Variants in RBM19 observed in about 807,000 individuals in gnomAD.
RBM19 encodes RNA binding motif protein 19, also known as probable RNA-binding protein 19.
RBM19 carries 94 observed loss-of-function variants against 116.8 expected under a neutral mutation model. That is an observed-to-expected ratio of 0.80 (90% CI 0.68 to 0.95). The LOEUF (loss-of-function observed/expected upper bound fraction) is 0.95, where lower values mean the gene tolerates loss of function less well. RBM19 is among the 40% of genes least tolerant of loss of function. The pLI is 0.00. For missense variants in RBM19, 1,161 were observed against 1,220.7 expected, an observed-to-expected ratio of 0.95 and a Z score of 0.73; for synonymous variants, 475 against 494.1, an observed-to-expected ratio of 0.96 and a Z score of 0.51.
At chr12:113,933,484 G>T (rs997359193) in intron 16 of RBM19, among the ~76,000 whole-genome samples, 3 of 152,180 alleles carry the variant, frequency 2.0e-5, no homozygotes, top group African/African-American at 7.2e-5. Flanking sequence ...GGACACAGCG[G>T]GGCTTGGAAT....
chr12:113,924,250 C>A (rs760624517), intron 18 of RBM19, among the ~76,000 whole-genome samples: 2 of 152,152 alleles, frequency 1.3e-5, no homozygotes, highest in Non-Finnish European at 2.9e-5. Flanking sequence ...CTCGGTAGAA[C>A]GTTCCAGAAG....
At chr12:113,861,539 G>T (rs1421705803) in intron 21 of RBM19, among the ~76,000 whole-genome samples, 1 of 149,602 alleles carries the variant, frequency 6.7e-6, no homozygotes, top group Non-Finnish European at 1.5e-5. Flanking sequence ...TCGGGGGGTG[G>T]TGGTGTGAGA....
intron 23 of RBM19, among the ~76,000 whole-genome samples, chr12:113,844,272 TCCCTGC>T (rs1211358683): frequency 6.6e-6 from 1 of 152,018 alleles, no homozygotes; most frequent in Non-Finnish European, 1.5e-5. Flanking sequence ...GCCGTGAGCA[TCCCTGC>T]CCTGCGGACA....
At chr12:113,965,237 G>A (rs1421474010) in intron 1 of RBM19, among the ~76,000 whole-genome samples, 2 of 149,560 alleles carry the variant, frequency 1.3e-5, no homozygotes, top group Non-Finnish European at 3.0e-5. Context: ...TGCCGAGATT[G>A]CTCCACCGCA....
At chr12:113,830,179 T>C (rs757196122) in intron 23 of RBM19, among the ~76,000 whole-genome samples, 1 of 151,862 alleles carries the variant, frequency 6.6e-6, no homozygotes, top group Non-Finnish European at 1.5e-5. Context: ...AGGATGGGGG[T>C]CTCAACAGGA....
chr12:113,832,005 A>C (rs1875462579), intron 23 of RBM19, among the ~76,000 whole-genome samples: 1 of 152,026 alleles, frequency 6.6e-6, no homozygotes, highest in Admixed American at 6.6e-5. Context: ...CCTTGACCGA[A>C]AGAATTCCCT....
At chr12:113,860,192 C>T (rs972801574) in intron 21 of RBM19, among the ~76,000 whole-genome samples, 2 of 152,252 alleles carry the variant, frequency 1.3e-5, no homozygotes, top group East Asian at 1.9e-4. Flanking sequence ...GAGCCAGGAA[C>T]GTGGGGAGTG....
intron 20 of RBM19, among the ~76,000 whole-genome samples, chr12:113,917,076 A>G (rs1451649566): frequency 6.6e-6 from 1 of 152,260 alleles, no homozygotes; most frequent in African/African-American, 2.4e-5. Context: ...TCTATGGAAC[A>G]GCACTGCCCT....
rs895603562 is a variant in RBM19, at chr12:113,822,380, C to G, written c.*844G>C. ...GAGAGAAGCCTGGGGATGCTGCTGG[C>G]CAGCGGAGAGGACCTTGATGCATTT... On this transcript the variant is annotated 3_prime_UTR_variant, in exon 24 of 24. Coordinates refer to ENST00000261741, the MANE Select transcript of RBM19 (RefSeq NM_016196.4). 2.0e-5 allele frequency: 3 copies of G among 152,220 alleles called. No individual in the cohort carries two copies. Among genetic ancestry groups the G allele is most frequent in the Non-Finnish European group, 4.4e-5 (3 of 68,064 alleles). 9.4% of individuals were successfully genotyped at this position (152,220 alleles called of 1,614,324 possible). A position where few individuals can be genotyped will look rare whatever the true frequency, so the allele number is the denominator to read the frequency against.
At chr12:113,933,562 T>C (rs1171473065) in intron 16 of RBM19, among the ~76,000 whole-genome samples, 1 of 151,998 alleles carries the variant, frequency 6.6e-6, no homozygotes, top group East Asian at 1.9e-4. Flanking sequence ...GCCTTCTTTG[T>C]GTGAGTCATG....
chr12:113,861,474 CTGTGTGTGTGTGTGTG>C lies in RBM19; in HGVS notation c.2559-2594_2559-2579del, dbSNP rs57704604. 5.5e-5 allele frequency among the ~76,000 whole-genome samples: 7 copies of C among 126,504 alleles called. No individual in the cohort carries two copies. In the East Asian group the frequency reaches 7.6e-4, roughly 14 times the overall value. The allele number at this position is 126,504 out of a possible 152,430, so 83.0% of individuals were successfully genotyped here. ...GCCCAGATTTCTGGTAAGCCAGACT[CTGTGTGTGTGTGTGTG>C]TGTGTGTGTGTGTGTGTGTGTGTGA... On this transcript the variant is annotated intron_variant, in intron 21 of 23. Transcript: ENST00000261741.
chr12:113,883,271 C>T (rs973104347), intron 21 of RBM19, among the ~76,000 whole-genome samples: 1 of 152,176 alleles, frequency 6.6e-6, no homozygotes, highest in Non-Finnish European at 1.5e-5. Flanking sequence ...TTCTGGACAA[C>T]GCAGCCTGGG....
chr12:113,906,026 G>A (rs189454594), intron 21 of RBM19, among the ~76,000 whole-genome samples: 18 of 152,312 alleles, frequency 1.2e-4, no homozygotes, highest in Admixed American at 5.2e-4. Flanking sequence ...GGAAGGAAGC[G>A]CAAACTGATA....
At chr12:113,860,975 G>A (rs1265675449) in intron 21 of RBM19, among the ~76,000 whole-genome samples, 3 of 152,308 alleles carry the variant, frequency 2.0e-5, no homozygotes, top group South Asian at 2.1e-4. Flanking sequence ...CTCAGAGGGC[G>A]GTGATGAGGG....
At chr12:113,899,316 G>A (rs1261619590) in intron 21 of RBM19, among the ~76,000 whole-genome samples, 4 of 152,206 alleles carry the variant, frequency 2.6e-5, no homozygotes, top group Non-Finnish European at 5.9e-5. Flanking sequence ...ACTGAAGTCC[G>A]AGGCAGGAGC....
At chr12:113,877,232 G>A (rs1213897395) in intron 21 of RBM19, among the ~76,000 whole-genome samples, 3 of 152,226 alleles carry the variant, frequency 2.0e-5, no homozygotes, top group Admixed American at 1.3e-4. Flanking sequence ...ACTGATGACC[G>A]TGAACCACAA....
At chr12:113,887,634 C>CA (rs35665613) in intron 21 of RBM19, among the ~76,000 whole-genome samples, 45,223 of 71,172 alleles carry the variant, frequency 0.64, 15,063 homozygotes, top group East Asian at 0.76. Flanking sequence ...GACTCCATCT[C>CA]AAAAAAAAAA....
chr12:113,897,200 G>A (rs545192031), intron 21 of RBM19, among the ~76,000 whole-genome samples: 10 of 152,256 alleles, frequency 6.6e-5, no homozygotes, highest in Admixed American at 5.9e-4. Context: ...ATAGAGTCTC[G>A]CTCTGTCGCC....
In RBM19 at chr12:113,857,762, C is replaced by T. The variant is rs1305141977; in HGVS notation, c.2664+1029G>A. ...TGCCTGTGCATGTTCCCAGGGCCCA[C>T]AAAGGCCACAGCTGTGTCCTGGAGC... is the stretch of plus-strand genomic sequence containing the variant. On this transcript the variant is annotated intron_variant, in intron 22 of 23. Coordinates refer to ENST00000261741, the MANE Select transcript of RBM19 (RefSeq NM_016196.4). 2.6e-5 allele frequency among the ~76,000 whole-genome samples: 4 copies of T among 152,354 alleles called. No homozygotes were observed. In the South Asian group the frequency reaches 8.3e-4, roughly 32 times the overall value.
Sources: allele counts gnomAD v4.1 joint callset (sites outside exome capture counted in the v4.1 genomes callset), GRCh38; gene constraint gnomAD v4.1.1; transcripts MANE v1.5; gene names NCBI Gene and HGNC (gene_info 2026-07-23, HGNC 2026-07-21).